PAN3: variants seen among roughly 807,000 people sequenced by gnomAD.
The protein encoded by PAN3 is PAN2-PAN3 deadenylation complex subunit PAN3.
PAN3 carries 19 observed loss-of-function variants against 96.2 expected under a neutral mutation model. That is an observed-to-expected ratio of 0.20 (90% CI 0.14 to 0.29). PAN3 has a LOEUF of 0.29. PAN3 is among the 10% of genes least tolerant of loss of function. PAN3 has a pLI of 1.00. For synonymous variants in PAN3, 433 were observed against 406.6 expected (o/e 1.06, Z -0.78); for missense variants, 882 against 1,108.1 (o/e 0.80, Z 2.90).
intron 4 of PAN3, among the ~76,000 whole-genome samples, chr13:28,186,614 A>G (rs925205029): frequency 6.6e-6 from 1 of 152,250 alleles, no homozygotes; most frequent in South Asian, 2.1e-4. Context: ...AAATTCAATT[A>G]TAATAAAACT....
In PAN3 at chr13:28,171,038, C is replaced by T. The variant is rs151198028; in HGVS notation, c.431-3234C>T. Among the ~76,000 whole-genome samples, 527 of 152,262 alleles carry T rather than the reference C, an allele frequency of 3.5e-3. 3 individuals carry two copies. Among genetic ancestry groups the T allele is most frequent in the African/African-American group, 0.011 (458 of 41,546 alleles). ...CTCAAACTCCCTACCTCAGGCGATCCGCCCGCCTTGGCCTCCCAAAGTGCT... is the reference window on the plus strand; with the variant it reads ...CTCAAACTCCCTACCTCAGGCGATCTGCCCGCCTTGGCCTCCCAAAGTGCT... On this transcript the variant is annotated intron_variant, in intron 1 of 18. Coordinates refer to ENST00000380958, the MANE Select transcript of PAN3 (RefSeq NM_175854.8).
Position 28,271,984 on chromosome 13 carries a change from G to A in PAN3, c.1962G>A (p.Leu654=). 6.4e-7 allele frequency: 1 copy of A among 1,554,466 alleles called. No individual in the cohort carries two copies. The highest frequency in any genetic ancestry group is 8.7e-7 in the Non-Finnish European group (1 of 1,144,240). Residue 654 remains leucine, a synonymous_variant, in exon 14 of 19, where the codon TTG becomes TTA. Transcript: ENST00000380958. ...TTAAATTATCTGGTCCTTAAAGGTT[G>A]CGAGTAAATTGTGTTGGAGTTTTTG... is the stretch of plus-strand genomic sequence containing the variant. ...TKILITGKTR[L]RVNCVGVFDV...
Position 28,138,667 on chromosome 13 carries a change from G to A in PAN3, c.10G>A (p.Gly4Ser). 1 of 732,696 alleles carries A rather than the reference G, an allele frequency of 1.4e-6. No homozygotes were observed. Among genetic ancestry groups the A allele is most frequent in the Non-Finnish European group, 2.0e-6 (1 of 505,874 alleles). 45.4% of individuals were successfully genotyped at this position (732,696 alleles called of 1,614,324 possible). The change falls in exon 1 of 19, where the codon GGC becomes AGC. Residue 4 changes from glycine to serine, a missense_variant. Physicochemically the swap from Gly to Ser is moderately conservative, Grantham distance 56 (BLOSUM62 0). Coordinates refer to ENST00000380958, the MANE Select transcript of PAN3 (RefSeq NM_175854.8). ...AGGCTGCGGCGTTGCCATGAACAGT[G>A]GCGGCGGCCTCCCGCCCCCCTCGGC... The part of the protein sequence containing the change: MNS[G>S]GGLPPPSAAA...
chr13:28,159,984 C>G (rs753371611), intron 1 of PAN3, among the ~76,000 whole-genome samples: 1 of 151,700 alleles, frequency 6.6e-6, no homozygotes, highest in Non-Finnish European at 1.5e-5. Flanking sequence ...TATCACCCAG[C>G]TAGAGTGCAG....
intron 6 of PAN3, among the ~76,000 whole-genome samples, chr13:28,242,951 G>A (rs1289967253): frequency 6.6e-6 from 1 of 152,078 alleles, no homozygotes; most frequent in Non-Finnish European, 1.5e-5. Flanking sequence ...CATAATTGGT[G>A]TCTTTAAAAA....
chr13:28,162,934 A>G (rs995847077), intron 1 of PAN3, among the ~76,000 whole-genome samples: 2 of 152,152 alleles, frequency 1.3e-5, no homozygotes. Flanking sequence ...AAAGGTGTGC[A>G]TAATTACAGA....
intron 5 of PAN3, among the ~76,000 whole-genome samples, chr13:28,216,777 C>G (rs949364349): frequency 6.6e-6 from 1 of 151,804 alleles, no homozygotes; most frequent in African/African-American, 2.4e-5. Flanking sequence ...ATCTTACGTT[C>G]CGTTATCATT....
intron 1 of PAN3, among the ~76,000 whole-genome samples, chr13:28,159,640 G>T (rs1872661802): frequency 6.6e-6 from 1 of 151,994 alleles, no homozygotes; most frequent in Admixed American, 6.6e-5. Context: ...TAGAGATGGG[G>T]TTTCACCATG....
At chr13:28,247,935 G>T (rs897174849) in intron 6 of PAN3, among the ~76,000 whole-genome samples, 1 of 151,986 alleles carries the variant, frequency 6.6e-6, no homozygotes, top group African/African-American at 2.4e-5. Context: ...ATTTTGTATT[G>T]TTTTTTCTGT....
At chr13:28,141,467 T>C (rs1358139313) in intron 1 of PAN3, among the ~76,000 whole-genome samples, 30 of 126,862 alleles carry the variant, frequency 2.4e-4, no homozygotes, top group South Asian at 7.2e-4. Context: ...TTTTTCTTTT[T>C]TTTTTTTTTT....
intron 6 of PAN3, among the ~76,000 whole-genome samples, chr13:28,255,658 C>T (rs1885080940): frequency 6.6e-6 from 1 of 151,808 alleles, no homozygotes; most frequent in South Asian, 2.1e-4. Context: ...TCAGAGTATG[C>T]CTGTTTAGAG....
intron 6 of PAN3, among the ~76,000 whole-genome samples, chr13:28,246,004 C>T (rs1884145936): frequency 6.6e-6 from 1 of 152,082 alleles, no homozygotes; most frequent in Admixed American, 6.5e-5. Context: ...TTTGTGCGAA[C>T]CTATGTTTTT....
chr13:28,238,523 A>G (rs898876078), intron 6 of PAN3, among the ~76,000 whole-genome samples: 1 of 152,216 alleles, frequency 6.6e-6, no homozygotes, highest in African/African-American at 2.4e-5. Context: ...TTAGGCACTG[A>G]GTTTATGGCT....
intron 6 of PAN3, among the ~76,000 whole-genome samples, chr13:28,226,538 A>G (rs1882018429): frequency 1.3e-5 from 2 of 152,226 alleles, no homozygotes; most frequent in African/African-American, 4.8e-5. Flanking sequence ...TCTAGTACAA[A>G]TTTAGGTATA....
chr13:28,211,774 A>T (rs1880066109), intron 5 of PAN3, among the ~76,000 whole-genome samples: 1 of 152,230 alleles, frequency 6.6e-6, no homozygotes. Context: ...CATATGTAAC[A>T]GCAGTTTTCA....
At chr13:28,224,294 G>GTGTAATT (rs1223549965) in intron 6 of PAN3, among the ~76,000 whole-genome samples, 1 of 152,188 alleles carries the variant, frequency 6.6e-6, no homozygotes, top group Admixed American at 6.5e-5. Flanking sequence ...AATTACCTCA[G>GTGTAATT]TGTTAACAAA....
chr13:28,256,614 C>A, intron 7 of PAN3, 75 bp downstream of exon 7: 4 of 1,426,022 alleles, frequency 2.8e-6, no homozygotes, highest in South Asian at 2.9e-5. Context: ...CGGTCTACCC[C>A]CTCCTGCAGC....
intron 1 of PAN3, among the ~76,000 whole-genome samples, chr13:28,145,079 T>A (rs1017216493): frequency 3.9e-5 from 6 of 152,154 alleles, no homozygotes; most frequent in East Asian, 3.9e-4. Context: ...ATGAACTTTT[T>A]ATTTTGAGAT....
chr13:28,241,735 TG>T (rs1883683044), intron 6 of PAN3, among the ~76,000 whole-genome samples: 1 of 152,194 alleles, frequency 6.6e-6, no homozygotes, highest in Admixed American at 6.5e-5. Flanking sequence ...TTGGGTGATT[TG>T]GGGAATTTGG....
Sources: allele counts gnomAD v4.1 joint callset (sites outside exome capture counted in the v4.1 genomes callset), GRCh38; gene constraint gnomAD v4.1.1; transcripts MANE v1.5; gene names NCBI Gene and HGNC (gene_info 2026-07-23, HGNC 2026-07-21).